CPE: variants seen among roughly 807,000 people sequenced by gnomAD.
CPE encodes carbocypeptidase E.
CPE carries 17 observed loss-of-function variants against 53.5 expected under a neutral mutation model. That is an observed-to-expected ratio of 0.32 (90% confidence interval 0.22 to 0.48). The LOEUF is 0.48. Ranked by LOEUF, CPE falls within the 20% of genes least tolerant of loss-of-function variation. The pLI is 0.99. For synonymous variants in CPE, 226 were observed against 228.8 expected (o/e 0.99, Z 0.11); for missense variants, 524 against 614.7 (o/e 0.85, Z 1.56).
In CPE at chr4:165,379,571, G is replaced by T. The variant is rs780852905; in HGVS notation, c.307+43G>T. On this transcript the variant is annotated intron_variant, in intron 1 of 8. Transcript: ENST00000402744. This position sits in a 1 kb window ranked among gnomAD's most constrained non-coding sequence, Gnocchi z 6.0. Reference sequence around the variant, plus strand: ...TGACAGCCCTGGGGGCATCCCGGAGGGGGGCGGCAGAGGGTGGGACTGGTG... The same window carrying T: ...TGACAGCCCTGGGGGCATCCCGGAGTGGGGCGGCAGAGGGTGGGACTGGTG... 8.3e-6 allele frequency: 12 copies of T among 1,449,346 alleles called. No homozygotes were observed. The Admixed American group carries it at 2.3e-4, about 27-fold the overall frequency. 89.8% of individuals were successfully genotyped at this position (1,449,346 alleles called of 1,614,324 possible).
chr4:165,415,644 T>C (rs536591413), intron 1 of CPE, among the ~76,000 whole-genome samples: 16 of 152,154 alleles, frequency 1.1e-4, no homozygotes, highest in Non-Finnish European at 2.2e-4. Flanking sequence ...TGTAGAAATA[T>C]AGAGATCAAA....
chr4:165,479,916 C>T (rs1424491474), intron 3 of CPE, among the ~76,000 whole-genome samples: 4 of 149,400 alleles, frequency 2.7e-5, no homozygotes, highest in Non-Finnish European at 3.0e-5. Flanking sequence ...GGCGTGAACC[C>T]GGGAGGCGGA....
intron 1 of CPE, among the ~76,000 whole-genome samples, chr4:165,420,319 A>C (rs1161081627): frequency 6.6e-6 from 1 of 152,172 alleles, no homozygotes; most frequent in Non-Finnish European, 1.5e-5. Flanking sequence ...AGTTATGTTA[A>C]TATTGGTGAT....
chr4:165,443,377 C>T, intron 1 of CPE, among the ~76,000 whole-genome samples: 1 of 152,206 alleles, frequency 6.6e-6, no homozygotes, highest in Non-Finnish European at 1.5e-5. Flanking sequence ...ATTTCATCTT[C>T]CCAGTGATTC....
chr4:165,379,623 G>T lies in CPE; in HGVS notation c.307+95G>T, dbSNP rs972171860. 27 of 1,059,056 alleles carry T rather than the reference G, an allele frequency of 2.5e-5. No individual in the cohort carries two copies. The African/African-American group carries it at 4.1e-4, about 16-fold the overall frequency. The allele number at this position is 1,059,056 out of a possible 1,614,324, so 65.6% of individuals were successfully genotyped here. ...CGGTGGGGGAAGGAGGGAGGGATGG[G>T]CCCAGGGGTGCCTCTTGGTAAAAGG... is the stretch of plus-strand genomic sequence containing the variant. On this transcript the variant is annotated intron_variant, in intron 1 of 8. Coordinates refer to ENST00000402744, the MANE Select transcript of CPE (RefSeq NM_001873.4). This position sits in a 1 kb window ranked among gnomAD's most constrained non-coding sequence, Gnocchi z 6.0.
chr4:165,407,545 A>G (rs1730972228), intron 1 of CPE, among the ~76,000 whole-genome samples: 1 of 146,398 alleles, frequency 6.8e-6, no homozygotes, highest in East Asian at 2.0e-4. Context: ...CCGGGCTTCA[A>G]TTTTTTCTTT....
At chr4:165,384,557 A>G (rs1044143533) in intron 1 of CPE, among the ~76,000 whole-genome samples, 2 of 152,226 alleles carry the variant, frequency 1.3e-5, no homozygotes, top group East Asian at 1.9e-4. Context: ...TTGAGGCTAC[A>G]GTGAGCCATG....
chr4:165,475,094 A>T (rs1732271769), intron 3 of CPE, among the ~76,000 whole-genome samples: 1 of 152,230 alleles, frequency 6.6e-6, no homozygotes, highest in East Asian at 1.9e-4. Context: ...TGCCCTCTTA[A>T]CATAAAGTAG....
At chr4:165,402,822 A>G (rs1159939304) in intron 1 of CPE, among the ~76,000 whole-genome samples, 1 of 152,232 alleles carries the variant, frequency 6.6e-6, no homozygotes, top group African/African-American at 2.4e-5. Flanking sequence ...CAAATATGTC[A>G]CAAAAAGACT....
At chr4:165,398,097 T>C (rs1249887605) in intron 1 of CPE, among the ~76,000 whole-genome samples, 2 of 151,466 alleles carry the variant, frequency 1.3e-5, no homozygotes, top group African/African-American at 4.8e-5. Context: ...GTTTTAATGT[T>C]ATCTTGTACA....
chr4:165,427,387 T>G (rs918263372), intron 1 of CPE, among the ~76,000 whole-genome samples: 4 of 75,612 alleles, frequency 5.3e-5, no homozygotes, highest in Non-Finnish European at 1.2e-4. Context: ...TGTCCAACCT[T>G]TTTTTAAACA....
chr4:165,379,045 C>T lies in CPE; in HGVS notation c.-177C>T, dbSNP rs1014157674. The T allele has an allele frequency of 4.3e-5, 21 of 486,928 alleles. No individual in the cohort carries two copies. The highest frequency in any genetic ancestry group is 5.6e-5 in the Non-Finnish European group (18 of 321,132). 30.2% of individuals were successfully genotyped at this position (486,928 alleles called of 1,614,324 possible). A position where few individuals can be genotyped will look rare whatever the true frequency, so the allele number is the denominator to read the frequency against. ...CGTGGAGCCGCGGCTTTGCCCGTCT[C>T]CTCTGGGTGGCCCCAGTGCGCGGGC... On this transcript the variant is annotated 5_prime_UTR_variant, in exon 1 of 9. Coordinates refer to ENST00000402744, the MANE Select transcript of CPE (RefSeq NM_001873.4). This position sits in a 1 kb window ranked among gnomAD's most constrained non-coding sequence, Gnocchi z 6.0.
intron 1 of CPE, among the ~76,000 whole-genome samples, chr4:165,395,341 C>T (rs1385595488): frequency 6.6e-6 from 1 of 152,062 alleles, no homozygotes; most frequent in African/African-American, 2.4e-5. Context: ...GACATTTGAC[C>T]TGTGCATAGA....
At chr4:165,491,892 C>T (rs930819000) in intron 6 of CPE, among the ~76,000 whole-genome samples, 8 of 151,990 alleles carry the variant, frequency 5.3e-5, no homozygotes, top group African/African-American at 1.5e-4. Flanking sequence ...TCATAAGTAG[C>T]GAAAGACAAT....
At chr4:165,409,087 A>T (rs1730996021) in intron 1 of CPE, among the ~76,000 whole-genome samples, 1 of 152,238 alleles carries the variant, frequency 6.6e-6, no homozygotes, top group South Asian at 2.1e-4. Flanking sequence ...TCTTGAGCAC[A>T]TAAGCAAGTA....
At chr4:165,465,975 T>G (rs992110854) in intron 2 of CPE, among the ~76,000 whole-genome samples, 5 of 152,210 alleles carry the variant, frequency 3.3e-5, no homozygotes, top group African/African-American at 7.2e-5. Flanking sequence ...AAATATCTCT[T>G]TATATTATTA....
chr4:165,416,389 G>A (rs2126670869), intron 1 of CPE, among the ~76,000 whole-genome samples: 1 of 152,262 alleles, frequency 6.6e-6, no homozygotes, highest in African/African-American at 2.4e-5. Flanking sequence ...TAATGCTCTG[G>A]CCCCTAGGGG....
intron 6 of CPE, among the ~76,000 whole-genome samples, chr4:165,491,652 A>G (rs1732607594): frequency 6.6e-6 from 1 of 152,228 alleles, no homozygotes; most frequent in African/African-American, 2.4e-5. Context: ...CTGGTTGCCA[A>G]TAAAATGATC....
intron 1 of CPE, among the ~76,000 whole-genome samples, chr4:165,430,172 T>C (rs1731385294): frequency 6.6e-6 from 1 of 152,244 alleles, no homozygotes; most frequent in African/African-American, 2.4e-5. Context: ...GTTTTCATTT[T>C]TTAAAAAATA....
Sources: allele counts gnomAD v4.1 joint callset (sites outside exome capture counted in the v4.1 genomes callset), GRCh38; gene constraint gnomAD v4.1.1; non-coding constraint Gnocchi (gnomAD v3.1); transcripts MANE v1.5; gene names NCBI Gene and HGNC (gene_info 2026-07-23, HGNC 2026-07-21).